ABCC8: variants seen among roughly 807,000 people sequenced by gnomAD.
ABCC8 encodes the protein ATP binding cassette subfamily C member 8.
A neutral mutation model predicts 188.0 loss-of-function variants in ABCC8; 137 were observed. That is an observed-to-expected ratio of 0.73 (90% CI 0.63 to 0.84). The LOEUF is 0.84. Ranked by LOEUF, ABCC8 falls within the 40% of genes least tolerant of loss-of-function variation. The pLI is 0.00. For missense variants in ABCC8, 1,750 were observed against 2,072.7 expected, an observed-to-expected ratio of 0.84 and a Z score of 3.02; for synonymous variants, 797 against 846.5, an observed-to-expected ratio of 0.94 and a Z score of 1.01.
chr11:17,463,634 A>G, intron 3 of ABCC8, 30 bp from the exon 4 acceptor site: 2 of 1,557,888 alleles, frequency 1.3e-6, no homozygotes, highest in South Asian at 2.4e-5. Flanking sequence ...GATCGCAGAG[A>G]CGTGTGTGCA....
intron 6 of ABCC8, 127 bp from the exon 7 acceptor site, chr11:17,453,410 G>T: frequency 3.0e-6 from 4 of 1,318,386 alleles, no homozygotes; most frequent in Admixed American, 4.3e-5. Context: ...GCAAAGGCTT[G>T]TGCAATTGTT....
chr11:17,430,491 T>G (rs1591803540), intron 12 of ABCC8: 5 of 380,900 alleles, frequency 1.3e-5, no homozygotes, highest in South Asian at 2.3e-5. Flanking sequence ...CTCTGGAGGG[T>G]GAAGTTAGGA....
chr11:17,458,559 A>G (rs1377535199), intron 6 of ABCC8, among the ~76,000 whole-genome samples: 2 of 152,190 alleles, frequency 1.3e-5, no homozygotes. Flanking sequence ...CTGCTTCAGG[A>G]TCGCCAATGG....
intron 29 of ABCC8, among the ~76,000 whole-genome samples, chr11:17,401,596 C>G (rs1299169314): frequency 6.6e-6 from 1 of 152,158 alleles, no homozygotes; most frequent in Non-Finnish European, 1.5e-5. Context: ...CTTGGTGTCT[C>G]ATGGTTACTG....
chr11:17,430,706 G>A (rs1185045304), intron 12 of ABCC8, 108 bp downstream of exon 12: 4 of 1,281,830 alleles, frequency 3.1e-6, no homozygotes, highest in African/African-American at 2.9e-5. Flanking sequence ...CCAGCAATGG[G>A]GGTGTGTTCC....
intron 7 of ABCC8, among the ~76,000 whole-genome samples, chr11:17,449,400 T>C (rs2133620781): frequency 6.6e-6 from 1 of 152,296 alleles, no homozygotes; most frequent in East Asian, 1.9e-4. Context: ...AGTCCTGTCA[T>C]AATTGAGCCT....
chr11:17,404,149 G>T lies in ABCC8; in HGVS notation c.3557+363C>A, dbSNP rs16934048. Among the ~76,000 whole-genome samples, 14,084 of 152,150 alleles carry T rather than the reference G, an allele frequency of 0.093. 2,130 individuals carry two copies. Among genetic ancestry groups the T allele is most frequent in the African/African-American group, 0.32 (13,059 of 41,454 alleles). ...ATAACACTGCTTGAATCAGGTGCCC[G>T]CCGATTTCATGCATCAGCAATCAGC... On this transcript the variant is annotated intron_variant, in intron 28 of 38. Coordinates refer to ENST00000389817, the MANE Select transcript of ABCC8 (RefSeq NM_000352.6). This position sits in a 1 kb window ranked among gnomAD's most constrained non-coding sequence, Gnocchi z 4.7.
In ABCC8 at chr11:17,427,156, T is replaced by C; in HGVS notation, c.2117-2A>G. ...GCCCCACGATCATAGTCAGCTGGCC[T>C]GCAGGGAGGGAGGGTGGCAGATGTG... On this transcript the variant is annotated splice_acceptor_variant, in intron 15 of 38. Coordinates refer to ENST00000389817, the MANE Select transcript of ABCC8 (RefSeq NM_000352.6). LOFTEE classifies it high-confidence loss of function. The surrounding 1 kb of genome is among the most constrained non-coding windows in gnomAD (Gnocchi z 5.0). 3 of 1,612,044 alleles carry C rather than the reference T, an allele frequency of 1.9e-6. No homozygotes were observed. Among genetic ancestry groups the C allele is most frequent in the Non-Finnish European group, 2.5e-6 (3 of 1,178,978 alleles).
chr11:17,458,046 C>G (rs972441252), intron 6 of ABCC8, among the ~76,000 whole-genome samples: 1 of 152,180 alleles, frequency 6.6e-6, no homozygotes, highest in African/African-American at 2.4e-5. Flanking sequence ...TAAATGATCC[C>G]TTTCCCCCAT....
intron 3 of ABCC8, among the ~76,000 whole-genome samples, chr11:17,467,195 C>T (rs1848219656): frequency 6.6e-6 from 1 of 152,080 alleles, no homozygotes; most frequent in Non-Finnish European, 1.5e-5. Flanking sequence ...GAGACCTGAT[C>T]ACTTAAGGCC....
chr11:17,393,202 C>T, intron 38 of ABCC8, 74 bp from the exon 39 acceptor site: 1 of 1,594,268 alleles, frequency 6.3e-7, no homozygotes, highest in East Asian at 2.3e-5. Flanking sequence ...CTGAGGGTGG[C>T]CCTCCTGCGG....
intron 33 of ABCC8, 66 bp downstream of exon 33, chr11:17,396,850 C>T: frequency 6.3e-7 from 1 of 1,595,038 alleles, no homozygotes; most frequent in South Asian, 1.1e-5. Flanking sequence ...AGCCATCCAG[C>T]TCCGTGCATG....
In ABCC8 at chr11:17,406,614, A is replaced by G. The variant is rs912178241; in HGVS notation, c.3329+8T>C. The G allele has an allele frequency of 9.3e-6, 15 of 1,611,688 alleles. No homozygotes were observed. The highest frequency in any genetic ancestry group is 1.2e-5 in the Non-Finnish European group (14 of 1,178,302). On this transcript the variant is annotated splice_region_variant and intron_variant, in intron 26 of 38. Coordinates refer to ENST00000389817, the MANE Select transcript of ABCC8 (RefSeq NM_000352.6). ...CACAGTCCCAGCCTGGCCAGGGGAG[A>G]CGGGTACCTCATGGGGGCTAGGATG...
At chr11:17,439,214 T>C (rs957037937) in intron 10 of ABCC8, among the ~76,000 whole-genome samples, 2 of 149,820 alleles carry the variant, frequency 1.3e-5, no homozygotes, top group African/African-American at 2.6e-5. Flanking sequence ...CCAGAGAAAC[T>C]GTGCCCATTC....
chr11:17,418,489 T>A (rs1955184940), intron 16 of ABCC8, among the ~76,000 whole-genome samples: 1 of 152,248 alleles, frequency 6.6e-6, no homozygotes, highest in Admixed American at 6.5e-5. Context: ...CAGATGGCTG[T>A]AATTTACAAT....
At chr11:17,431,167 G>A in intron 11 of ABCC8, 1 of 771,588 alleles carries the variant, frequency 1.3e-6, no homozygotes, top group African/African-American at 1.7e-5. Context: ...TGGAGAGCAG[G>A]GGCTGCTCCC....
chr11:17,401,963 T>C (rs1431750561), intron 29 of ABCC8, among the ~76,000 whole-genome samples: 1 of 152,232 alleles, frequency 6.6e-6, no homozygotes, highest in African/African-American at 2.4e-5. Flanking sequence ...CTCTCTTCTA[T>C]GCTCCCACAG....
chr11:17,466,068 C>A (rs1257231725), intron 3 of ABCC8, among the ~76,000 whole-genome samples: 2 of 152,026 alleles, frequency 1.3e-5, no homozygotes, highest in Admixed American at 6.6e-5. Context: ...CATGGATGAA[C>A]CTTGAGGACA....
At chr11:17,412,248 A>T (rs1954846449) in intron 21 of ABCC8, among the ~76,000 whole-genome samples, 1 of 152,216 alleles carries the variant, frequency 6.6e-6, no homozygotes, top group Non-Finnish European at 1.5e-5. Flanking sequence ...GTTGAGAAGG[A>T]TTCTGAGGAT....
Sources: allele counts gnomAD v4.1 joint callset (sites outside exome capture counted in the v4.1 genomes callset), GRCh38; gene constraint gnomAD v4.1.1; non-coding constraint Gnocchi (gnomAD v3.1); transcripts MANE v1.5; gene names NCBI Gene and HGNC (gene_info 2026-07-23, HGNC 2026-07-21).